Variants in DZANK1 observed in about 807,000 individuals in gnomAD.
The protein encoded by DZANK1 is double zinc ribbon and ankyrin repeat domains 1.
In DZANK1, 91 loss-of-function variants were observed where a neutral mutation model predicts 94.5. That is an observed-to-expected ratio of 0.96 (90% CI 0.81 to 1.15). The LOEUF (loss-of-function observed/expected upper bound fraction) is 1.15. Among genes scored for constraint, DZANK1 ranks in the 50% most tolerant of loss-of-function variants. DZANK1 has a pLI of 0.00. For missense variants in DZANK1, 903 were observed against 916.4 expected (o/e 0.99, Z 0.19); for synonymous variants, 312 against 325.3 (o/e 0.96, Z 0.44).
At chr20:18,455,403 A>C in intron 3 of DZANK1, 42 bp from the exon 4 acceptor site, 1 of 1,424,182 alleles carries the variant, frequency 7.0e-7, no homozygotes, top group Non-Finnish European at 9.6e-7. Flanking sequence ...TGTGTTACAC[A>C]AAGATTTTTT....
In DZANK1 at chr20:18,400,009, C is replaced by T. The variant is rs2056585532; in HGVS notation, c.1433-1383G>A. Among the ~76,000 whole-genome samples, 4 of 152,212 alleles carry T rather than the reference C, an allele frequency of 2.6e-5. No individual in the cohort carries two copies. The South Asian group carries it at 8.3e-4, about 32-fold the overall frequency. On this transcript the variant is annotated intron_variant, in intron 13 of 20. Transcript: ENST00000262547. Reference sequence around the variant, plus strand: ...AGTTCAGACAAGCCTGCGTTTAAATCCTAAATCTACCATTTATTAGCTTAG... The same window carrying T: ...AGTTCAGACAAGCCTGCGTTTAAATTCTAAATCTACCATTTATTAGCTTAG...
At chr20:18,432,449 A>G (rs1161144324) in intron 9 of DZANK1, 1 of 152,206 alleles carries the variant, frequency 6.6e-6, no homozygotes, top group Admixed American at 6.5e-5. Context: ...GCATCTTAAG[A>G]TTGAAAATAG....
At chr20:18,395,494 G>C (rs1042643225) in intron 15 of DZANK1, among the ~76,000 whole-genome samples, 3 of 152,268 alleles carry the variant, frequency 2.0e-5, no homozygotes, top group East Asian at 1.9e-4. Context: ...AGCTGGCCAG[G>C]TTACTCACCC....
intron 10 of DZANK1, among the ~76,000 whole-genome samples, chr20:18,417,285 A>C (rs893931127): frequency 1.2e-4 from 18 of 152,262 alleles, no homozygotes; most frequent in African/African-American, 4.3e-4. Context: ...AAACAGTTAC[A>C]TCACTGACAG....
chr20:18,422,672 C>T (rs1018758339), intron 10 of DZANK1, among the ~76,000 whole-genome samples: 2 of 152,066 alleles, frequency 1.3e-5, no homozygotes, highest in African/African-American at 2.4e-5. Context: ...ATTATAAATA[C>T]ATAAATATTC....
At chr20:18,385,124 T>A (rs1486062049) in intron 19 of DZANK1, 34 bp from the exon 20 acceptor site, 8 of 1,546,840 alleles carry the variant, frequency 5.2e-6, no homozygotes, top group African/African-American at 1.4e-5. Context: ...GATAAATCCT[T>A]AGTTAGCATC....
intron 10 of DZANK1, among the ~76,000 whole-genome samples, chr20:18,415,771 A>T (rs2057462766): frequency 6.6e-6 from 1 of 152,204 alleles, no homozygotes; most frequent in Non-Finnish European, 1.5e-5. Flanking sequence ...GAACAATATT[A>T]ATGAAGGAAG....
chr20:18,441,269 T>C lies in DZANK1; in HGVS notation c.747+2078A>G, dbSNP rs2058706954. On this transcript the variant is annotated intron_variant, in intron 8 of 20. Coordinates refer to ENST00000262547, the Ensembl canonical transcript of DZANK1. The surrounding 1 kb of genome is among the most constrained non-coding windows in gnomAD (Gnocchi z 4.1). The stretch of plus-strand genomic sequence containing the variant: ...ATGCTATGGATCACCAGTGTCCCAT[T>C]TCCCATTGGCAAGGAGCTCGGCACT... Among the ~76,000 whole-genome samples the C allele has an allele frequency of 6.6e-6, 1 of 152,136 alleles. No homozygotes were observed. Among genetic ancestry groups the C allele is most frequent in the Non-Finnish European group, 1.5e-5 (1 of 68,028 alleles).
Position 18,402,043 on chromosome 20 carries a change from C to T in DZANK1, c.1433-3417G>A, listed in dbSNP as rs147502471. ...CAGACTGTGGGCTGGGTTTTGACTC[C>T]CACTAAGGACATCCAGAGGGCAAAG... On this transcript the variant is annotated intron_variant, in intron 13 of 20. Coordinates refer to ENST00000262547, the Ensembl canonical transcript of DZANK1. Among the ~76,000 whole-genome samples, 366 of 152,222 alleles carry T rather than the reference C, an allele frequency of 2.4e-3. 4 individuals are homozygous for T. The highest frequency in any genetic ancestry group is 0.02 in the Admixed American group (306 of 15,286).
At chr20:18,411,689 G>A (rs984761764) in intron 13 of DZANK1, among the ~76,000 whole-genome samples, 3 of 152,158 alleles carry the variant, frequency 2.0e-5, no homozygotes, top group Non-Finnish European at 4.4e-5. Context: ...TATAAATATA[G>A]ACACAAAAGT....
chr20:18,395,402 A>T (rs991297226), intron 15 of DZANK1, among the ~76,000 whole-genome samples: 1 of 152,074 alleles, frequency 6.6e-6, no homozygotes, highest in Admixed American at 6.5e-5. Context: ...CAAAACAATG[A>T]CCTGGGAACA....
chr20:18,456,554 C>A (rs1010216966), intron 3 of DZANK1, among the ~76,000 whole-genome samples: 2 of 152,128 alleles, frequency 1.3e-5, no homozygotes, highest in Non-Finnish European at 2.9e-5. Context: ...CAAAAGAATT[C>A]CCTTGTGCCT....
exon 11 of DZANK1, chr20:18,415,403 C>T (rs150264642): frequency 8.2e-6 from 13 of 1,591,816 alleles, no homozygotes; most frequent in African/African-American, 6.8e-5. Flanking sequence ...AATGGTCCCC[C>T]CTTTCTGAGT....
At position 18,442,285 on chromosome 20, in the gene DZANK1, C is replaced by T. The variant is rs188168256; in HGVS notation, c.747+1062G>A. On this transcript the variant is annotated intron_variant, in intron 8 of 20. Coordinates refer to ENST00000262547, the Ensembl canonical transcript of DZANK1. ...GGCAAGTAGAAAATAATTTTGGTAT[C>T]GCACCAACTAGTATAAACAGAGAAA... Among the ~76,000 whole-genome samples the T allele has an allele frequency of 1.3e-3, 197 of 152,210 alleles. 2 individuals carry two copies. The highest frequency in any genetic ancestry group is 4.4e-3 in the African/African-American group (181 of 41,516).
At chr20:18,459,781 C>G (rs1601187209) in intron 3 of DZANK1, among the ~76,000 whole-genome samples, 2 of 152,086 alleles carry the variant, frequency 1.3e-5, no homozygotes, top group Non-Finnish European at 2.9e-5. Flanking sequence ...TGGTTGTAGG[C>G]TGCATCCTGG....
exon 21 of DZANK1, chr20:18,383,607 T>C (rs2048314007): frequency 6.6e-6 from 1 of 152,326 alleles, no homozygotes; most frequent in South Asian, 2.1e-4. Flanking sequence ...GCTACAGACA[T>C]GTTTATATGC....
chr20:18,418,570 T>C (rs1434353739), intron 10 of DZANK1, among the ~76,000 whole-genome samples: 1 of 152,238 alleles, frequency 6.6e-6, no homozygotes, highest in Non-Finnish European at 1.5e-5. Flanking sequence ...TGGTACTTTC[T>C]AGATTCTGTT....
At chr20:18,433,474 G>A (rs564984019) in intron 9 of DZANK1, 178 bp downstream of exon 9, 54 of 567,992 alleles carry the variant, frequency 9.5e-5, no homozygotes, top group African/African-American at 5.5e-4. Context: ...CTGAGGAGGC[G>A]GAGGTTGCAG....
chr20:18,443,490 G>A (rs910462572), intron 7 of DZANK1, 26 bp from the exon 8 acceptor site: 3 of 1,318,670 alleles, frequency 2.3e-6, no homozygotes, highest in Non-Finnish European at 3.0e-6. Context: ...TTCCCGATTG[G>A]CCATGTTCTG....
Sources: allele counts gnomAD v4.1 joint callset (sites outside exome capture counted in the v4.1 genomes callset), GRCh38; gene constraint gnomAD v4.1.1; non-coding constraint Gnocchi (gnomAD v3.1); transcripts MANE v1.5; gene names NCBI Gene and HGNC (gene_info 2026-07-23, HGNC 2026-07-21).